Variants in SLC16A10 observed in about 807,000 individuals in gnomAD.
SLC16A10 encodes solute carrier family 16 member 10.
SLC16A10 carries 27 observed loss-of-function variants against 40.0 expected under a neutral mutation model. The ratio of observed to expected loss-of-function variants is 0.67; its 90% CI spans 0.50 to 0.93. The LOEUF (loss-of-function observed/expected upper bound fraction) is 0.93, where lower values mean the gene tolerates loss of function less well. Ranked by LOEUF, SLC16A10 falls within the 40% of genes least tolerant of loss-of-function variation. The pLI, the probability that SLC16A10 is intolerant of heterozygous loss-of-function variation, is 0.00. For missense variants in SLC16A10, 529 were observed against 658.2 expected (o/e 0.80, Z 2.15); for synonymous variants, 213 against 249.8 (o/e 0.85, Z 1.39).
At chr6:111,160,626 T>C (rs1277614845) in intron 1 of SLC16A10, among the ~76,000 whole-genome samples, 1 of 152,246 alleles carries the variant, frequency 6.6e-6, no homozygotes, top group Non-Finnish European at 1.5e-5. Flanking sequence ...GTTCAGCGGT[T>C]CCCGAGCTCT....
intron 2 of SLC16A10, among the ~76,000 whole-genome samples, chr6:111,175,803 G>A (rs951868363): frequency 6.6e-5 from 10 of 151,280 alleles, no homozygotes; most frequent in South Asian, 4.2e-4. Context: ...GGTTCAAGCC[G>A]TCCTCCTGCC....
intron 3 of SLC16A10, among the ~76,000 whole-genome samples, chr6:111,185,085 T>C (rs1331853459): frequency 2.0e-5 from 3 of 152,176 alleles, no homozygotes; most frequent in African/African-American, 7.2e-5. Flanking sequence ...TTGCCAAGAA[T>C]TGATTATGTG....
In SLC16A10 at chr6:111,087,661, A is replaced by AAC; in HGVS notation, c.-92_-91insAC. 6 of 744,808 alleles carry AAC rather than the reference A, an allele frequency of 8.1e-6. No individual in the cohort carries two copies. The highest frequency in any genetic ancestry group is 1.1e-5 in the Non-Finnish European group (6 of 557,696). 46.1% of individuals were successfully genotyped at this position (744,808 alleles called of 1,614,324 possible). A position where few individuals can be genotyped will look rare whatever the true frequency, so the allele number is the denominator to read the frequency against. On this transcript the variant is annotated 5_prime_UTR_variant, in exon 1 of 6. Transcript: ENST00000368851. ...CCGCCGCCCTCGCCTCGGCCTCGTT[A>AAC]GCCCGCCAGGAGCCCCGCAGCTCCT...
At chr6:111,110,870 T>C (rs1215565405) in intron 1 of SLC16A10, among the ~76,000 whole-genome samples, 1 of 152,208 alleles carries the variant, frequency 6.6e-6, no homozygotes, top group African/African-American at 2.4e-5. Flanking sequence ...ATATAGCTTC[T>C]CTCATATAGT....
chr6:111,141,118 C>T (rs1771975136), intron 1 of SLC16A10, among the ~76,000 whole-genome samples: 1 of 152,128 alleles, frequency 6.6e-6, no homozygotes, highest in South Asian at 2.1e-4. Context: ...TAATATTTCA[C>T]ATGTTTTAGT....
intron 2 of SLC16A10, among the ~76,000 whole-genome samples, chr6:111,175,928 C>G (rs557061575): frequency 6.6e-6 from 1 of 152,042 alleles, no homozygotes; most frequent in African/African-American, 2.4e-5. Flanking sequence ...AGACTGGTCT[C>G]AAGCCATCCT....
At chr6:111,117,768 T>C (rs1771514623) in intron 1 of SLC16A10, among the ~76,000 whole-genome samples, 2 of 152,190 alleles carry the variant, frequency 1.3e-5, no homozygotes, top group South Asian at 4.1e-4. Flanking sequence ...GAAAAACTAA[T>C]AGACTGTAAG....
chr6:111,176,048 G>A (rs369599650), intron 2 of SLC16A10, among the ~76,000 whole-genome samples: 18 of 152,116 alleles, frequency 1.2e-4, no homozygotes, highest in Non-Finnish European at 2.1e-4. Context: ...CACAGTAGTT[G>A]CTTAATATGT....
chr6:111,190,945 C>T (rs1025460744), intron 3 of SLC16A10, among the ~76,000 whole-genome samples: 1 of 152,222 alleles, frequency 6.6e-6, no homozygotes, highest in African/African-American at 2.4e-5. Flanking sequence ...AGCTTCTTGT[C>T]ACTTATGCAA....
At chr6:111,180,367 G>A (rs1246151700) in intron 3 of SLC16A10, among the ~76,000 whole-genome samples, 1 of 152,108 alleles carries the variant, frequency 6.6e-6, no homozygotes, top group Non-Finnish European at 1.5e-5. Context: ...AACATAGTGA[G>A]ATTCCATCTC....
chr6:111,207,877 C>T (rs1773281239), intron 4 of SLC16A10, among the ~76,000 whole-genome samples: 2 of 151,956 alleles, frequency 1.3e-5, no homozygotes, highest in South Asian at 2.1e-4. Context: ...TTGGGAAGGG[C>T]GGTTATGTAC....
chr6:111,093,514 T>C (rs1360663015), intron 1 of SLC16A10, among the ~76,000 whole-genome samples: 1 of 152,258 alleles, frequency 6.6e-6, no homozygotes, highest in Non-Finnish European at 1.5e-5. Context: ...TTTACAGTTA[T>C]ACTGATATCC....
At chr6:111,175,763 T>C (rs901546603) in intron 2 of SLC16A10, among the ~76,000 whole-genome samples, 21 of 152,180 alleles carry the variant, frequency 1.4e-4, no homozygotes, top group African/African-American at 4.8e-4. Flanking sequence ...GCAGTGGTGT[T>C]ATCATAGCTG....
At chr6:111,125,518 C>T (rs1163251828) in intron 1 of SLC16A10, among the ~76,000 whole-genome samples, 1 of 152,086 alleles carries the variant, frequency 6.6e-6, no homozygotes, top group Non-Finnish European at 1.5e-5. Context: ...CTGTTCTATC[C>T]ACATCTCATC....
chr6:111,163,433 T>C (rs1357902964), intron 1 of SLC16A10, among the ~76,000 whole-genome samples: 1 of 152,126 alleles, frequency 6.6e-6, no homozygotes, highest in East Asian at 1.9e-4. Context: ...ATTACAGGCG[T>C]GAGCCACCGC....
At chr6:111,124,346 C>T (rs921033585) in intron 1 of SLC16A10, among the ~76,000 whole-genome samples, 1 of 150,308 alleles carries the variant, frequency 6.7e-6, no homozygotes, top group Admixed American at 6.7e-5. Flanking sequence ...AATTCTTCCC[C>T]AATAGAGTGA....
intron 1 of SLC16A10, among the ~76,000 whole-genome samples, chr6:111,100,992 C>CTATATATATA (rs71021826): frequency 1.2e-4 from 8 of 66,416 alleles, no homozygotes; most frequent in African/African-American, 3.9e-4. Flanking sequence ...CTCTCTCTCT[C>CTATATATATA]TATATATATA....
chr6:111,118,274 AT>A (rs1248030058), intron 1 of SLC16A10, among the ~76,000 whole-genome samples: 2 of 152,258 alleles, frequency 1.3e-5, no homozygotes, highest in African/African-American at 2.4e-5. Flanking sequence ...ACATAAAAAA[AT>A]GAATGCAAAT....
At chr6:111,113,217 A>AT (rs1412570886) in intron 1 of SLC16A10, among the ~76,000 whole-genome samples, 2 of 152,098 alleles carry the variant, frequency 1.3e-5, no homozygotes, top group Non-Finnish European at 2.9e-5. Context: ...GAGTATTGCC[A>AT]TTTTTTTCAA....
Sources: allele counts gnomAD v4.1 joint callset (sites outside exome capture counted in the v4.1 genomes callset), GRCh38; gene constraint gnomAD v4.1.1; transcripts MANE v1.5; gene names NCBI Gene and HGNC (gene_info 2026-07-23, HGNC 2026-07-21).